ZDHHC15: variants seen among roughly 807,000 people sequenced by gnomAD.
ZDHHC15 encodes the protein zDHHC palmitoyltransferase 15, also known as palmitoyltransferase ZDHHC15.
Under a neutral mutation model 31.7 loss-of-function variants are expected in ZDHHC15, and 19 were observed. The observed-to-expected ratio is 0.60, with a 90% CI of 0.42 to 0.88. The LOEUF is 0.88. Ranked by LOEUF, ZDHHC15 falls within the 40% of genes least tolerant of loss-of-function variation. The pLI is 0.00. For missense variants in ZDHHC15, 209 were observed against 251.2 expected (o/e 0.83, Z 1.14); for synonymous variants, 103 against 90.0 (o/e 1.14, Z -0.82).
chrX:75,483,064 T>C (rs2084718051), intron 2 of ZDHHC15, among the ~76,000 whole-genome samples: 2 of 90,106 alleles, frequency 2.2e-5, no homozygotes, highest in African/African-American at 1.1e-4. Context: ...CACATATGTG[T>C]ATATATATGT....
rs760429265 is a variant in ZDHHC15, at chrX:75,444,640, GTATATATATATATATATATATA to G, written c.379+6140_379+6161del. Reference sequence around the variant, plus strand: ...AATAAAAAAAGAAAAAAGCAACACTGTATATATATATATATATATATATATATATATATATATATATATATAT... The same window carrying G: ...AATAAAAAAAGAAAAAAGCAACACTGTATATATATATATATATATATATAT... On this transcript the variant is annotated intron_variant, in intron 4 of 11. Coordinates refer to ENST00000373367, the MANE Select transcript of ZDHHC15 (RefSeq NM_144969.3). 1.5e-3 allele frequency among the ~76,000 whole-genome samples: 35 copies of G among 22,731 alleles called. 4 individuals carry two copies. In the South Asian group the frequency reaches 0.016, roughly 11 times the overall value. 19.7% of individuals were successfully genotyped at this position (22,731 alleles called of 115,157 possible).
At chrX:75,419,788 T>C (rs1602594747) in intron 9 of ZDHHC15, among the ~76,000 whole-genome samples, 1 of 108,784 alleles carries the variant, frequency 9.2e-6, no homozygotes, top group East Asian at 3.0e-4. Context: ...GATGAGTTCA[T>C]GTCCTTTGTA....
Position 75,369,179 on chromosome X carries a change from G to A in ZDHHC15, c.*3799C>T, listed in dbSNP as rs1295225830. On this transcript the variant is annotated 3_prime_UTR_variant, in exon 12 of 12. Transcript: ENST00000373367. ...AGCTACTCTGAGAGCAGAGATTCTG[G>A]AATGTATAAATCTAATGTTCTTCAC... 1 of 112,121 alleles carries A rather than the reference G, an allele frequency of 8.9e-6. No individual in the cohort carries two copies. The highest frequency in any genetic ancestry group is 1.9e-5 in the Non-Finnish European group (1 of 53,228). 9.2% of individuals were successfully genotyped at this position (112,121 alleles called of 1,213,427 possible).
At chrX:75,447,641 G>A (rs2084052394) in intron 4 of ZDHHC15, among the ~76,000 whole-genome samples, 1 of 111,632 alleles carries the variant, frequency 9.0e-6, no homozygotes, top group Non-Finnish European at 1.9e-5. Flanking sequence ...CTGATAGTTA[G>A]GATTCACAGG....
intron 2 of ZDHHC15, among the ~76,000 whole-genome samples, chrX:75,495,599 C>A (rs1209531319): frequency 2.7e-5 from 3 of 110,402 alleles, no homozygotes; most frequent in African/African-American, 9.9e-5. Context: ...TACCATGCAG[C>A]CATAAAAAAT....
At chrX:75,469,789 A>G (rs1174374817) in intron 3 of ZDHHC15, among the ~76,000 whole-genome samples, 1 of 111,484 alleles carries the variant, frequency 9.0e-6, no homozygotes, top group South Asian at 3.8e-4. Flanking sequence ...CTATTTGAGG[A>G]ACCATTATAC....
At chrX:75,452,467 T>A (rs1369533108) in intron 3 of ZDHHC15, among the ~76,000 whole-genome samples, 9 of 110,966 alleles carry the variant, frequency 8.1e-5, no homozygotes, top group Non-Finnish European at 1.7e-4. Context: ...ACTGTCAATA[T>A]TAGACAGATC....
intron 9 of ZDHHC15, among the ~76,000 whole-genome samples, chrX:75,418,926 G>A (rs1340326073): frequency 2.7e-5 from 3 of 112,164 alleles, no homozygotes; most frequent in Non-Finnish European, 5.6e-5. Flanking sequence ...AACATCAAAA[G>A]CAATGGCAAC....
intron 10 of ZDHHC15, among the ~76,000 whole-genome samples, chrX:75,403,577 C>T (rs1271771456): frequency 1.8e-5 from 2 of 112,027 alleles, no homozygotes; most frequent in Non-Finnish European, 3.8e-5. Flanking sequence ...CATTCCTATA[C>T]ACCAACAACA....
chrX:75,443,107 A>T (rs1399329700), intron 4 of ZDHHC15, among the ~76,000 whole-genome samples: 1 of 111,622 alleles, frequency 9.0e-6, no homozygotes, highest in Non-Finnish European at 1.9e-5. Context: ...GAATTGGAAA[A>T]AATACTTTAA....
chrX:75,492,330 T>C (rs2084911751), intron 2 of ZDHHC15, among the ~76,000 whole-genome samples: 1 of 110,818 alleles, frequency 9.0e-6, no homozygotes, highest in South Asian at 3.8e-4. Context: ...ACAATAATAA[T>C]GGGAGACTTT....
At chrX:75,407,156 G>A (rs2083421612) in intron 10 of ZDHHC15, among the ~76,000 whole-genome samples, 1 of 111,409 alleles carries the variant, frequency 9.0e-6, no homozygotes. Flanking sequence ...CGTCTGAGAT[G>A]TGGGGAGTGC....
chrX:75,473,726 C>A (rs2084542145), intron 3 of ZDHHC15, among the ~76,000 whole-genome samples: 1 of 111,654 alleles, frequency 9.0e-6, no homozygotes, highest in Admixed American at 9.5e-5. Flanking sequence ...TGACCAGTTG[C>A]AGAAACAAGA....
chrX:75,472,164 T>C (rs1332156123), intron 3 of ZDHHC15, among the ~76,000 whole-genome samples: 4 of 111,841 alleles, frequency 3.6e-5, no homozygotes, highest in African/African-American at 1.3e-4. Context: ...TCTCCACTCC[T>C]GCCACCTTGC....
intron 10 of ZDHHC15, among the ~76,000 whole-genome samples, chrX:75,399,849 C>T (rs2083336838): frequency 9.0e-6 from 1 of 111,453 alleles, no homozygotes; most frequent in South Asian, 3.8e-4. Context: ...TACCCCAAAA[C>T]TTCAACACCA....
intron 2 of ZDHHC15, among the ~76,000 whole-genome samples, chrX:75,496,671 T>C (rs934294652): frequency 9.0e-6 from 1 of 111,341 alleles, no homozygotes; most frequent in Non-Finnish European, 1.9e-5. Flanking sequence ...CAGACAACAG[T>C]GGAATAAAAT....
intron 2 of ZDHHC15, among the ~76,000 whole-genome samples, chrX:75,504,435 G>A (rs2085129443): frequency 9.0e-6 from 1 of 111,362 alleles, no homozygotes; most frequent in African/African-American, 3.3e-5. Flanking sequence ...AGCAACTGTG[G>A]ACAATGCATT....
At chrX:75,491,922 A>C (rs2084902910) in intron 2 of ZDHHC15, among the ~76,000 whole-genome samples, 1 of 111,787 alleles carries the variant, frequency 8.9e-6, no homozygotes, top group Non-Finnish European at 1.9e-5. Flanking sequence ...TAATGACAGG[A>C]TAAAATTCAC....
chrX:75,456,903 C>A (rs1457156941), intron 3 of ZDHHC15, among the ~76,000 whole-genome samples: 5 of 111,320 alleles, frequency 4.5e-5, no homozygotes, highest in South Asian at 3.8e-4. Context: ...CATTTAAATT[C>A]TGTGACTTGG....
Sources: allele counts gnomAD v4.1 joint callset (sites outside exome capture counted in the v4.1 genomes callset), GRCh38; gene constraint gnomAD v4.1.1; transcripts MANE v1.5; gene names NCBI Gene and HGNC (gene_info 2026-07-23, HGNC 2026-07-21).